GSDME: variants seen among roughly 807,000 people sequenced by gnomAD.
GSDME encodes gasdermin-E.
In GSDME, 44 loss-of-function variants were observed where a neutral mutation model predicts 47.5. The observed-to-expected ratio is 0.93, with a 90% CI of 0.73 to 1.19. GSDME has a LOEUF of 1.19. GSDME is among the 50% of genes most tolerant of loss of function. GSDME has a pLI of 0.00. For missense variants in GSDME, 663 were observed against 604.2 expected (o/e 1.10, Z -1.02); for synonymous variants, 258 against 252.8 (o/e 1.02, Z -0.20).
rs1231138199 is a variant in GSDME, at chr7:24,754,189, T to C, written c.-20+3207A>G. Among the ~76,000 whole-genome samples the C allele has an allele frequency of 6.6e-6, 1 of 152,176 alleles. No homozygotes were observed. Among genetic ancestry groups the C allele is most frequent in the African/African-American group, 2.4e-5 (1 of 41,434 alleles). ...GATCACGGACTCTCGCACAGAGCCTTAAAAGTTATATTAGCAGCCGGGCCT... is the reference window on the plus strand; with the variant it reads ...GATCACGGACTCTCGCACAGAGCCTCAAAAGTTATATTAGCAGCCGGGCCT... On this transcript the variant is annotated intron_variant, in intron 1 of 9. Transcript: ENST00000645220. This position sits in a 1 kb window ranked among gnomAD's most constrained non-coding sequence, Gnocchi z 5.0.
At chr7:24,794,286 TCTCTCTTTCTCTC>T in the GSDME span, among the ~76,000 whole-genome samples, 9 of 108,042 alleles carry the variant, frequency 8.3e-5, no homozygotes, top group Non-Finnish European at 1.6e-4. Context: ...CTTTCCTCTC[TCTCTCTTTCTCTC>T]CTCTCTCTCT....
the GSDME span, among the ~76,000 whole-genome samples, chr7:24,791,874 C>T: frequency 6.6e-6 from 1 of 152,170 alleles, no homozygotes; most frequent in South Asian, 2.1e-4. The surrounding 1 kb of genome is among the most constrained non-coding windows in gnomAD (Gnocchi z 4.8). Flanking sequence ...TCCTTGCTGT[C>T]GTGAGAGACA....
the GSDME span, among the ~76,000 whole-genome samples, chr7:24,794,107 GTGTACAC>G: frequency 6.6e-6 from 1 of 151,464 alleles, no homozygotes; most frequent in Non-Finnish European, 1.5e-5. Flanking sequence ...TAAAGGAATA[GTGTACAC>G]TGTTTTTTTC....
rs375948210 is a variant in GSDME, at chr7:24,706,315, C to T, written c.1052G>A (p.Arg351Gln). Residue 351 changes from arginine (R) to glutamine (Q), a missense_variant, in exon 8 of 10, where the codon CGG (arginine) becomes CAG (glutamine). Transcript: ENST00000645220. ...TVAVLGELKP[R>Q]QQQDLVAFLQ... ...GAAGGCCACAAGGTCCTGCTGCTGC[C>T]GGGGCTTCAGCTCCCCCAGCACCGC... 2.7e-5 allele frequency: 43 copies of T among 1,613,666 alleles called. No homozygotes were observed. Among genetic ancestry groups the T allele is most frequent in the Admixed American group, 1.0e-4 (6 of 60,020 alleles).
the GSDME span, among the ~76,000 whole-genome samples, chr7:24,784,786 C>G: frequency 5.3e-5 from 8 of 152,020 alleles, no homozygotes; most frequent in Non-Finnish European, 1.0e-4. Context: ...TCTCAAACTC[C>G]TGACCTCAAG....
chr7:24,770,403 C>A, the GSDME span, among the ~76,000 whole-genome samples: 1 of 152,270 alleles, frequency 6.6e-6, no homozygotes, highest in Admixed American at 6.5e-5. The surrounding 1 kb of genome is among the most constrained non-coding windows in gnomAD (Gnocchi z 4.6). Flanking sequence ...TATAGCCTTT[C>A]CTGAGTTCTG....
chr7:24,790,538 G>A, the GSDME span, among the ~76,000 whole-genome samples: 31 of 152,274 alleles, frequency 2.0e-4, no homozygotes, highest in East Asian at 5.8e-4. This position sits in a 1 kb window ranked among gnomAD's most constrained non-coding sequence, Gnocchi z 4.1. Context: ...GTAATTTGGC[G>A]TAAACTCTAT....
chr7:24,706,513 C>T (rs777023824), intron 7 of GSDME, 137 bp from the exon 8 acceptor site: 76 of 816,210 alleles, frequency 9.3e-5, no homozygotes, highest in African/African-American at 2.4e-4. Flanking sequence ...CTCTTCTCTA[C>T]GTTCTGAAAT....
rs1021375737 is a variant in GSDME, at chr7:24,745,289, C to T, written c.212-535G>A. On this transcript the variant is annotated intron_variant, in intron 2 of 9. Transcript: ENST00000645220. The surrounding 1 kb of genome is among the most constrained non-coding windows in gnomAD (Gnocchi z 4.4). ...AACAGCAGCCCCTATTCTGGATGCACCGCGAGAGGACAGCCTTCCTTGGCC... is the reference window on the plus strand; with the variant it reads ...AACAGCAGCCCCTATTCTGGATGCATCGCGAGAGGACAGCCTTCCTTGGCC... Among the ~76,000 whole-genome samples the T allele has an allele frequency of 3.9e-5, 6 of 152,160 alleles. No homozygotes were observed. Among genetic ancestry groups the T allele is most frequent in the African/African-American group, 1.4e-4 (6 of 41,432 alleles).
chr7:24,762,597 G>A (rs981823307), upstream of GSDME, among the ~76,000 whole-genome samples: 1 of 152,040 alleles, frequency 6.6e-6, no homozygotes, highest in African/African-American at 2.4e-5. Flanking sequence ...GCCATATTAG[G>A]TACTGAGGAT....
chr7:24,716,950 T>C lies in GSDME; in HGVS notation c.697+304A>G, dbSNP rs1403277475. 2 of 422,408 alleles carry C rather than the reference T, an allele frequency of 4.7e-6. No individual in the cohort carries two copies. Among genetic ancestry groups the C allele is most frequent in the African/African-American group, 2.0e-5 (1 of 49,588 alleles). 26.2% of individuals were successfully genotyped at this position (422,408 alleles called of 1,614,324 possible). A position where few individuals can be genotyped will look rare whatever the true frequency, so the allele number is the denominator to read the frequency against. On this transcript the variant is annotated intron_variant, in intron 5 of 9. Transcript: ENST00000645220. This position sits in a 1 kb window ranked among gnomAD's most constrained non-coding sequence, Gnocchi z 4.5. ...CGGGGTTGATGCCCAGTGTGTCTGA[T>C]GCAGAGCCCAGGTTGATGCCCAGAG...
chr7:24,716,787 C>T lies in GSDME; in HGVS notation c.697+467G>A, dbSNP rs1789573969. The T allele has an allele frequency of 4.8e-6, 1 of 208,494 alleles. No homozygotes were observed. The allele number at this position is 208,494 out of a possible 1,614,324, so 12.9% of individuals were successfully genotyped here. Reference sequence around the variant, plus strand: ...AGGAATTAATAAATGACCACTGTGCCAGGCGCTTCATAGGCCTCATCTCAT... The same window carrying T: ...AGGAATTAATAAATGACCACTGTGCTAGGCGCTTCATAGGCCTCATCTCAT... On this transcript the variant is annotated intron_variant, in intron 5 of 9. Transcript: ENST00000645220. This position sits in a 1 kb window ranked among gnomAD's most constrained non-coding sequence, Gnocchi z 4.5.
chr7:24,716,074 G>C lies in GSDME; in HGVS notation c.697+1180C>G, dbSNP rs1207565529. Among the ~76,000 whole-genome samples the C allele has an allele frequency of 6.6e-6, 1 of 152,226 alleles. No individual in the cohort carries two copies. Among genetic ancestry groups the C allele is most frequent in the African/African-American group, 2.4e-5 (1 of 41,440 alleles). ...TCATGTGGGCTTAGCGAGGGCAGGA[G>C]CTGTCTCACGGGAGACTGCCCCCCA... On this transcript the variant is annotated intron_variant, in intron 5 of 9. Coordinates refer to ENST00000645220, the MANE Select transcript of GSDME (RefSeq NM_001127453.2). This position sits in a 1 kb window ranked among gnomAD's most constrained non-coding sequence, Gnocchi z 4.5.
chr7:24,698,380 A>T lies in GSDME; in HGVS notation c.*646T>A. ...CATAGTTCAAAGTTTCCTTTAATAGAATACCCAGAATACATAGGAAATCAA... is the reference window on the plus strand; with the variant it reads ...CATAGTTCAAAGTTTCCTTTAATAGTATACCCAGAATACATAGGAAATCAA... On this transcript the variant is annotated 3_prime_UTR_variant, in exon 10 of 10. Coordinates refer to ENST00000645220, the MANE Select transcript of GSDME (RefSeq NM_001127453.2). 1 of 153,600 alleles carries T rather than the reference A, an allele frequency of 6.5e-6. No individual in the cohort carries two copies. Among genetic ancestry groups the T allele is most frequent in the Admixed American group, 6.4e-5 (1 of 15,542 alleles). The allele number at this position is 153,600 out of a possible 1,614,324, so 9.5% of individuals were successfully genotyped here.
At chr7:24,751,254 T>C (rs1790850004) in intron 1 of GSDME, among the ~76,000 whole-genome samples, 1 of 152,028 alleles carries the variant, frequency 6.6e-6, no homozygotes, top group African/African-American at 2.4e-5. Flanking sequence ...AATATATATA[T>C]ACACGCATGT....
chr7:24,719,088 TCTC>T lies in GSDME; in HGVS notation c.532_534del (p.Glu178del), dbSNP rs1182638372. On this transcript the variant is annotated inframe_deletion, in exon 4 of 10. Coordinates refer to ENST00000645220, the MANE Select transcript of GSDME (RefSeq NM_001127453.2). ...TGGATGCCCACGATGCCACCACACTTCTCCTCGACCTGCATGTGCTCAGAGATC... is the reference window on the plus strand; with the variant it reads ...TGGATGCCCACGATGCCACCACACTTCTCGACCTGCATGTGCTCAGAGATC... 6.2e-6 allele frequency: 10 copies of T among 1,613,282 alleles called. No homozygotes were observed. Among genetic ancestry groups the T allele is most frequent in the South Asian group, 2.2e-5 (2 of 91,046 alleles).
At chr7:24,710,167 G>T in intron 6 of GSDME, 57 bp downstream of exon 6, 2 of 1,577,740 alleles carry the variant, frequency 1.3e-6, no homozygotes. Context: ...CCACCTCTTG[G>T]GATACAGGGC....
chr7:24,744,162 T>A lies in GSDME; in HGVS notation c.404+400A>T, dbSNP rs1790574522. The A allele has an allele frequency of 4.4e-6, 1 of 226,912 alleles. No individual in the cohort carries two copies. The highest frequency in any genetic ancestry group is 8.8e-6 in the Non-Finnish European group (1 of 113,890). 14.1% of individuals were successfully genotyped at this position (226,912 alleles called of 1,614,324 possible). A position where few individuals can be genotyped will look rare whatever the true frequency, so the allele number is the denominator to read the frequency against. On this transcript the variant is annotated intron_variant, in intron 3 of 9. Coordinates refer to ENST00000645220, the MANE Select transcript of GSDME (RefSeq NM_001127453.2). The surrounding 1 kb of genome is among the most constrained non-coding windows in gnomAD (Gnocchi z 4.5). ...AAGAGCTCTTATTTTTGAACTTTTTTACGCGCCTCTCACTTGCTTTCTTCT... is the reference window on the plus strand; with the variant it reads ...AAGAGCTCTTATTTTTGAACTTTTTAACGCGCCTCTCACTTGCTTTCTTCT...
In GSDME at chr7:24,744,554, C is replaced by T; in HGVS notation, c.404+8G>A. Reference sequence around the variant, plus strand: ...TCAAAATCCAAAATGCCAAACAAGTCTCCTTACCTCTCGGCAGAGTCTCTG... The same window carrying T: ...TCAAAATCCAAAATGCCAAACAAGTTTCCTTACCTCTCGGCAGAGTCTCTG... On this transcript the variant is annotated splice_region_variant and intron_variant, in intron 3 of 9. Transcript: ENST00000645220. The surrounding 1 kb of genome is among the most constrained non-coding windows in gnomAD (Gnocchi z 4.5). The T allele has an allele frequency of 1.9e-6, 3 of 1,614,138 alleles. No individual in the cohort carries two copies. The highest frequency in any genetic ancestry group is 2.5e-6 in the Non-Finnish European group (3 of 1,180,028).
Sources: allele counts gnomAD v4.1 joint callset (sites outside exome capture counted in the v4.1 genomes callset), GRCh38; gene constraint gnomAD v4.1.1; non-coding constraint Gnocchi (gnomAD v3.1); transcripts MANE v1.5; gene names NCBI Gene and HGNC (gene_info 2026-07-23, HGNC 2026-07-21).